DNM3: variants seen among roughly 807,000 people sequenced by gnomAD.
DNM3 encodes the protein dynamin-3.
In DNM3, 47 loss-of-function variants were observed where a neutral mutation model predicts 101.6. The observed-to-expected ratio is 0.46, with a 90% CI of 0.37 to 0.59. DNM3 has a LOEUF of 0.59. DNM3 is among the 20% of genes least tolerant of loss of function. The pLI is 0.00. For synonymous variants in DNM3, 385 were observed against 387.9 expected, an observed-to-expected ratio of 0.99 and a Z score of 0.09; for missense variants, 849 against 1,085.7, an observed-to-expected ratio of 0.78 and a Z score of 3.06.
intron 4 of DNM3, among the ~76,000 whole-genome samples, chr1:172,011,729 T>G (rs1256437127): frequency 2.0e-5 from 3 of 152,060 alleles, no homozygotes; most frequent in Admixed American, 1.3e-4. Flanking sequence ...AGTCTCTTCT[T>G]CTATTGTTTG....
intron 16 of DNM3, among the ~76,000 whole-genome samples, chr1:172,314,589 C>G (rs934584327): frequency 2.6e-5 from 4 of 152,220 alleles, no homozygotes; most frequent in Admixed American, 2.6e-4. Context: ...GAATTATATC[C>G]CGCACCTGGC....
chr1:172,161,201 A>G (rs1181147919), intron 14 of DNM3, among the ~76,000 whole-genome samples: 3 of 148,856 alleles, frequency 2.0e-5, no homozygotes, highest in Non-Finnish European at 4.5e-5. Context: ...ATATATATGT[A>G]TATATTTTAT....
At chr1:172,300,047 T>G (rs2064361867) in intron 15 of DNM3, among the ~76,000 whole-genome samples, 1 of 152,196 alleles carries the variant, frequency 6.6e-6, no homozygotes, top group East Asian at 1.9e-4. Context: ...CACCAACATC[T>G]GTTATTTTTT....
At chr1:172,171,576 CAGTT>C (rs2058962450) in intron 14 of DNM3, among the ~76,000 whole-genome samples, 2 of 151,690 alleles carry the variant, frequency 1.3e-5, no homozygotes, top group Non-Finnish European at 3.0e-5. Context: ...CCATTTAAAA[CAGTT>C]AGGTAGAGTA....
intron 14 of DNM3, among the ~76,000 whole-genome samples, chr1:172,217,307 C>G (rs1015745524): frequency 6.6e-6 from 1 of 152,146 alleles, no homozygotes; most frequent in Non-Finnish European, 1.5e-5. Context: ...GGAGCAACAG[C>G]ACTAAAAAGC....
At chr1:172,005,133 C>T (rs1572045593) in intron 4 of DNM3, among the ~76,000 whole-genome samples, 1 of 152,010 alleles carries the variant, frequency 6.6e-6, no homozygotes, top group East Asian at 1.9e-4. Flanking sequence ...GTTGTGTGAC[C>T]TTGAACAAAT....
At chr1:172,248,929 C>T (rs1432132293) in intron 14 of DNM3, among the ~76,000 whole-genome samples, 1 of 152,068 alleles carries the variant, frequency 6.6e-6, no homozygotes, top group Non-Finnish European at 1.5e-5. Flanking sequence ...CAAGGAAGGA[C>T]TCATAGTCTT....
chr1:171,915,808 T>C (rs1410512815), intron 1 of DNM3, among the ~76,000 whole-genome samples: 1 of 152,206 alleles, frequency 6.6e-6, no homozygotes, highest in Non-Finnish European at 1.5e-5. Context: ...GTTAATGTGA[T>C]TTTGAGTTCT....
Position 172,412,017 on chromosome 1 carries a change from C to T in DNM3, c.*4176C>T, listed in dbSNP as rs7514051. The T allele has an allele frequency of 1.4e-4, 137 of 985,166 alleles. No individual in the cohort carries two copies. The highest frequency in any genetic ancestry group is 1.6e-4 in the Non-Finnish European group (136 of 829,758). The allele number at this position is 985,166 out of a possible 1,614,324, so 61.0% of individuals were successfully genotyped here. Reference sequence around the variant, plus strand: ...TGAAACTTTAAGAATATTTTTGAAGCATATGTAATATATGCACTGCTATTT... The same window carrying T: ...TGAAACTTTAAGAATATTTTTGAAGTATATGTAATATATGCACTGCTATTT... On this transcript the variant is annotated 3_prime_UTR_variant, in exon 21 of 21. Transcript: ENST00000627582.
chr1:172,028,504 A>C (rs186605426), intron 4 of DNM3, among the ~76,000 whole-genome samples: 15 of 152,314 alleles, frequency 9.8e-5, no homozygotes, highest in African/African-American at 3.6e-4. Context: ...CACGATTAAA[A>C]GAACTAGAGA....
Position 171,841,606 on chromosome 1 carries a change from C to G in DNM3, c.-51C>G. 2 of 1,576,324 alleles carry G rather than the reference C, an allele frequency of 1.3e-6. No homozygotes were observed. Among genetic ancestry groups the G allele is most frequent in the Non-Finnish European group, 1.7e-6 (2 of 1,163,558 alleles). ...GGGCAGCGCGGCCCCTACTCCCTGT[C>G]AGGTCGTAGAGGCGAGCAGGGACCA... On this transcript the variant is annotated 5_prime_UTR_variant, in exon 1 of 21. Coordinates refer to ENST00000627582, the MANE Select transcript of DNM3 (RefSeq NM_015569.5).
chr1:172,274,739 T>TTA (rs1553217521), intron 15 of DNM3, among the ~76,000 whole-genome samples: 174 of 148,496 alleles, frequency 1.2e-3, no homozygotes, highest in Non-Finnish European at 1.1e-3. Flanking sequence ...TTTTTTTTTT[T>TTA]AATTTTCAAT....
chr1:172,239,014 C>T (rs1302390625), intron 14 of DNM3, among the ~76,000 whole-genome samples: 1 of 152,184 alleles, frequency 6.6e-6, no homozygotes, highest in Non-Finnish European at 1.5e-5. Context: ...CTCTTCTGCA[C>T]AATCCACTGT....
chr1:171,847,936 A>T (rs2032416194), intron 1 of DNM3, among the ~76,000 whole-genome samples: 1 of 122,656 alleles, frequency 8.2e-6, no homozygotes. Flanking sequence ...GTGTGTGATC[A>T]TAGGTAGCTT....
chr1:172,172,078 A>C (rs1241208231), intron 14 of DNM3, among the ~76,000 whole-genome samples: 1 of 151,610 alleles, frequency 6.6e-6, no homozygotes, highest in African/African-American at 2.4e-5. Flanking sequence ...GAGAAGAATG[A>C]TGGGAAACAA....
chr1:172,380,035 G>T (rs2068812535), intron 18 of DNM3, among the ~76,000 whole-genome samples: 1 of 151,936 alleles, frequency 6.6e-6, no homozygotes, highest in Admixed American at 6.6e-5. Flanking sequence ...TAAATTATGA[G>T]CATTACTTGT....
At chr1:172,342,759 T>C (rs1004215314) in intron 17 of DNM3, among the ~76,000 whole-genome samples, 3 of 152,198 alleles carry the variant, frequency 2.0e-5, no homozygotes, top group Non-Finnish European at 4.4e-5. Context: ...AAACATGTTG[T>C]AGAAGTCACA....
intron 12 of DNM3, among the ~76,000 whole-genome samples, chr1:172,087,017 T>A (rs1408355455): frequency 6.6e-6 from 1 of 152,196 alleles, no homozygotes; most frequent in Non-Finnish European, 1.5e-5. Flanking sequence ...TGTTCCATTC[T>A]CTTTTTCATC....
intron 14 of DNM3, among the ~76,000 whole-genome samples, chr1:172,229,745 G>A (rs945608750): frequency 5.9e-5 from 9 of 151,434 alleles, no homozygotes; most frequent in African/African-American, 1.5e-4. Flanking sequence ...AAACATACAC[G>A]CACGCCACAC....
Sources: allele counts gnomAD v4.1 joint callset (sites outside exome capture counted in the v4.1 genomes callset), GRCh38; gene constraint gnomAD v4.1.1; transcripts MANE v1.5; gene names NCBI Gene and HGNC (gene_info 2026-07-23, HGNC 2026-07-21).